The following ST8SIA5 variants were observed in gnomAD, a reference collection of about 807,000 sequenced individuals.
The protein encoded by ST8SIA5 is alpha-2,8-sialyltransferase 8E.
ST8SIA5 carries 24 observed loss-of-function variants against 40.2 expected under a neutral mutation model. That is an observed-to-expected ratio of 0.60 (90% confidence interval 0.43 to 0.84). ST8SIA5 has a LOEUF of 0.84. Among genes scored for constraint, ST8SIA5 ranks in the 40% least tolerant of loss-of-function variants. The pLI, the probability that ST8SIA5 is intolerant of heterozygous loss-of-function variation, is 0.00. For synonymous variants in ST8SIA5, 198 were observed against 201.8 expected (o/e 0.98, Z 0.16); for missense variants, 465 against 498.5 (o/e 0.93, Z 0.64).
chr18:46,693,071 G>T (rs2039523624), intron 2 of ST8SIA5, among the ~76,000 whole-genome samples: 1 of 152,060 alleles, frequency 6.6e-6, no homozygotes, highest in African/African-American at 2.4e-5. Context: ...CGGCCCTGGG[G>T]CTGCCCTGCA....
At chr18:46,740,255 G>A (rs1267608514) in intron 1 of ST8SIA5, among the ~76,000 whole-genome samples, 1 of 152,042 alleles carries the variant, frequency 6.6e-6, no homozygotes, top group Non-Finnish European at 1.5e-5. Context: ...CCCTTGTAAT[G>A]GCCAAAGGGC....
Position 46,669,475 on chromosome 18 carries a change from G to C in ST8SIA5, c.*10567C>G, listed in dbSNP as rs556865114. The C allele has an allele frequency of 6.6e-6, 1 of 152,156 alleles. No homozygotes were observed. Among genetic ancestry groups the C allele is most frequent in the Non-Finnish European group, 1.5e-5 (1 of 68,044 alleles). 9.4% of individuals were successfully genotyped at this position (152,156 alleles called of 1,614,324 possible). A position where few individuals can be genotyped will look rare whatever the true frequency, so the allele number is the denominator to read the frequency against. On this transcript the variant is annotated 3_prime_UTR_variant, in exon 7 of 7. Transcript: ENST00000315087. ...TGGTGAAGGTGTGGAGAAAGTAAAA[G>C]TGTCACTTTCCCCCAGAAATGGTCA...
chr18:46,694,884 C>T (rs111295530), intron 2 of ST8SIA5, among the ~76,000 whole-genome samples: 2,984 of 151,586 alleles, frequency 0.02, 110 homozygotes, highest in African/African-American at 0.069. Flanking sequence ...TTAGGCCGGG[C>T]GCAGTGGCTC....
At chr18:46,698,335 C>T (rs2039577775) in intron 2 of ST8SIA5, among the ~76,000 whole-genome samples, 2 of 151,990 alleles carry the variant, frequency 1.3e-5, no homozygotes, top group Admixed American at 1.3e-4. Context: ...CAACCCAACA[C>T]ACCAACAATC....
At chr18:46,724,237 G>T (rs1243190611) in intron 1 of ST8SIA5, among the ~76,000 whole-genome samples, 1 of 152,260 alleles carries the variant, frequency 6.6e-6, no homozygotes, top group Non-Finnish European at 1.5e-5. Context: ...TGTCAGCTTA[G>T]TCTCCCAGCC....
chr18:46,705,679 C>T (rs1278207612), intron 1 of ST8SIA5, among the ~76,000 whole-genome samples: 1 of 152,266 alleles, frequency 6.6e-6, no homozygotes, highest in East Asian at 1.9e-4. Context: ...AGCCCCCCTC[C>T]TCCTGGCGGT....
At chr18:46,748,398 TA>T (rs1173211166) in intron 1 of ST8SIA5, among the ~76,000 whole-genome samples, 1 of 151,580 alleles carries the variant, frequency 6.6e-6, no homozygotes, top group Non-Finnish European at 1.5e-5. Context: ...ACCCTGTCTC[TA>T]ATAAAAATAC....
At chr18:46,685,596 T>C (rs1447201715) in intron 5 of ST8SIA5, among the ~76,000 whole-genome samples, 20 of 152,200 alleles carry the variant, frequency 1.3e-4, no homozygotes, top group African/African-American at 2.4e-5. Flanking sequence ...AGTGGCCCGA[T>C]GATTGTGGAT....
intron 1 of ST8SIA5, among the ~76,000 whole-genome samples, chr18:46,742,762 AG>A (rs1351700283): frequency 3.3e-5 from 5 of 152,160 alleles, no homozygotes; most frequent in Non-Finnish European, 5.9e-5. Context: ...TGCCTCCTCA[AG>A]GGGGTCCCTG....
intron 1 of ST8SIA5, among the ~76,000 whole-genome samples, chr18:46,709,231 C>T (rs1445005808): frequency 6.6e-6 from 1 of 152,210 alleles, no homozygotes; most frequent in Non-Finnish European, 1.5e-5. Context: ...TCTCTGCCCT[C>T]AATGATGGGA....
In ST8SIA5 at chr18:46,668,875, C is replaced by G. The variant is rs995772956; in HGVS notation, c.*11167G>C. On this transcript the variant is annotated 3_prime_UTR_variant, in exon 7 of 7. Transcript: ENST00000315087. Reference sequence around the variant, plus strand: ...GGAGAAGAGTACAGGACGATGGGCTCGGGAGTCCGGGGTAGTCTGGCAGGA... The same window carrying G: ...GGAGAAGAGTACAGGACGATGGGCTGGGGAGTCCGGGGTAGTCTGGCAGGA... 6.6e-6 allele frequency: 1 copy of G among 152,294 alleles called. No homozygotes were observed. Among genetic ancestry groups the G allele is most frequent in the Admixed American group, 6.5e-5 (1 of 15,276 alleles). 9.4% of individuals were successfully genotyped at this position (152,294 alleles called of 1,614,324 possible). A position where few individuals can be genotyped will look rare whatever the true frequency, so the allele number is the denominator to read the frequency against.
rs2039380159 is a variant in ST8SIA5 at position 46,680,399 on chromosome 18, G to A, written c.774C>T (p.Ser258=). Residue 258 remains serine, a synonymous_variant, in exon 7 of 7, where the codon TCC becomes TCT. Transcript: ENST00000315087. ...AFYNTRNTDV[S]IRVKYVLDDF... ...CGTCCAGCACGTACTTGACGCGGAT[G>A]GACACGTCGGTGTTGCGCGTGTTGT... 3.7e-6 allele frequency: 6 copies of A among 1,613,756 alleles called. No homozygotes were observed. The African/African-American group carries it at 6.7e-5, about 18-fold the overall frequency.
chr18:46,712,164 A>G (rs2039739069), intron 1 of ST8SIA5, among the ~76,000 whole-genome samples: 1 of 152,034 alleles, frequency 6.6e-6, no homozygotes, highest in Non-Finnish European at 1.5e-5. Context: ...CTTATTTTCC[A>G]GGCCAGACTA....
chr18:46,713,994 G>A (rs2039760045), intron 1 of ST8SIA5, among the ~76,000 whole-genome samples: 1 of 152,188 alleles, frequency 6.6e-6, no homozygotes, highest in Admixed American at 6.5e-5. Flanking sequence ...ATGGCTGGAG[G>A]AAGAAAAGAG....
At chr18:46,733,630 G>C (rs1355278300) in intron 1 of ST8SIA5, among the ~76,000 whole-genome samples, 2 of 152,158 alleles carry the variant, frequency 1.3e-5, no homozygotes, top group African/African-American at 4.8e-5. Context: ...AAGGGGCTTG[G>C]GGTGGGGGAG....
intron 1 of ST8SIA5, among the ~76,000 whole-genome samples, chr18:46,733,317 T>C (rs1187455494): frequency 6.6e-6 from 1 of 152,238 alleles, no homozygotes; most frequent in Non-Finnish European, 1.5e-5. Flanking sequence ...AATCAGCAAA[T>C]CACTTGCATT....
In ST8SIA5 at chr18:46,680,250, G is replaced by A. The variant is rs765159220; in HGVS notation, c.923C>T (p.Ala308Val). Residue 308 changes from alanine (A) to valine (V), a missense_variant, in exon 7 of 7, where the codon GCG (alanine) becomes GTG (valine). Physicochemically the swap from Ala to Val is moderately conservative, Grantham distance 64 (BLOSUM62 0). Coordinates refer to ENST00000315087, the MANE Select transcript of ST8SIA5 (RefSeq NM_013305.6). ...CACCTCCTCACAGAGCTCCAGCGCCGCAGTGACCAGAATGAGGCCGGTGCT... is the reference window on the plus strand; with the variant it reads ...CACCTCCTCACAGAGCTCCAGCGCCACAGTGACCAGAATGAGGCCGGTGCT... ...RISTGLILVT[A>V]ALELCEEVHL... The A allele has an allele frequency of 1.9e-6, 3 of 1,614,230 alleles. No homozygotes were observed. The highest frequency in any genetic ancestry group is 1.7e-6 in the Non-Finnish European group (2 of 1,180,038).
At chr18:46,691,161 G>A (rs1478908590) in intron 3 of ST8SIA5, among the ~76,000 whole-genome samples, 1 of 152,200 alleles carries the variant, frequency 6.6e-6, no homozygotes, top group Non-Finnish European at 1.5e-5. Context: ...CTTATGATAG[G>A]TGAGTCTCTG....
chr18:46,694,613 G>C (rs1333066499), intron 2 of ST8SIA5, among the ~76,000 whole-genome samples: 1 of 152,126 alleles, frequency 6.6e-6, no homozygotes, highest in Non-Finnish European at 1.5e-5. Context: ...AAAGGAAGCT[G>C]TCCTGTTTGA....
Sources: allele counts gnomAD v4.1 joint callset (sites outside exome capture counted in the v4.1 genomes callset), GRCh38; gene constraint gnomAD v4.1.1; transcripts MANE v1.5; gene names NCBI Gene and HGNC (gene_info 2026-07-23, HGNC 2026-07-21).